Variants in ZNF132 observed in about 807,000 individuals in gnomAD.
ZNF132 encodes the protein zinc finger protein 132.
ZNF132 carries 6 observed loss-of-function variants against 9.3 expected under a neutral mutation model. The observed-to-expected ratio is 0.65, with a 90% confidence interval of 0.35 to 1.28. The LOEUF (loss-of-function observed/expected upper bound fraction) is 1.28, where lower values mean the gene tolerates loss of function less well. Among genes scored for constraint, ZNF132 ranks in the 50% most tolerant of loss-of-function variants. The pLI is 0.03. For synonymous variants in ZNF132, 296 were observed against 292.0 expected, an observed-to-expected ratio of 1.01 and a Z score of -0.14; for missense variants, 877 against 843.2, an observed-to-expected ratio of 1.04 and a Z score of -0.50.
At position 58,439,959 on chromosome 19, in the gene ZNF132, T is replaced by TAC; in HGVS notation, c.-139_-138insGT. On this transcript the variant is annotated 5_prime_UTR_variant, in exon 1 of 3. In the 5' UTR this introduces an upstream ATG that the reference lacks. Transcript: ENST00000254166. Reference sequence around the variant, plus strand: ...GGGCACCGCAGGGACGAAGGCTGGGTATGGAGACCCTGGAGACGCGTGGCG... The same window carrying TAC: ...GGGCACCGCAGGGACGAAGGCTGGGTACATGGAGACCCTGGAGACGCGTGGCG... 1.2e-6 allele frequency: 1 copy of TAC among 849,868 alleles called. No homozygotes were observed. The highest frequency in any genetic ancestry group is 3.0e-5 in the East Asian group (1 of 33,244). 52.6% of individuals were successfully genotyped at this position (849,868 alleles called of 1,614,324 possible). A position where few individuals can be genotyped will look rare whatever the true frequency, so the allele number is the denominator to read the frequency against.
In ZNF132 at chr19:58,434,826, G is replaced by A. The variant is rs760240253; in HGVS notation, c.618C>T (p.Asp206=). ...TGTCAACAGCTTGAAGCTGGAGGAG[G>A]TCACAGCTGCCCAGGATGACCTTCC... The part of the protein sequence containing the change: ...EGGKVILGSC[D]LLQLQAVDSG... The change falls in exon 3 of 3, where the codon GAC becomes GAT. Residue 206 remains aspartate (D), a synonymous_variant. Transcript: ENST00000254166. The A allele has an allele frequency of 9.3e-6, 15 of 1,614,176 alleles. No homozygotes were observed. The highest frequency in any genetic ancestry group is 8.8e-5 in the South Asian group (8 of 91,078).
chr19:58,434,339 G>C lies in ZNF132; in HGVS notation c.1105C>G (p.His369Asp), dbSNP rs567330039. Residue 369 changes from histidine (H) to aspartate (D), a missense_variant, in exon 3 of 3, where the codon CAC becomes GAC. Transcript: ENST00000254166. ...RSHLIRHEKV[H>D]TGERPFECLK... Reference sequence around the variant, plus strand: ...CACTCAAAAGGCCTTTCTCCAGTGTGAACTTTCTCATGCCGAATGAGGTGT... The same window carrying C: ...CACTCAAAAGGCCTTTCTCCAGTGTCAACTTTCTCATGCCGAATGAGGTGT... The C allele has an allele frequency of 6.2e-7, 1 of 1,614,238 alleles. No individual in the cohort carries two copies.
At chr19:58,437,751 C>T (rs1327778030) in intron 1 of ZNF132, 1 of 985,330 alleles carries the variant, frequency 1.0e-6, no homozygotes, top group East Asian at 1.1e-4. Context: ...GGGATCCATT[C>T]CTGGTCCAAG....
rs1490819114 is a variant in ZNF132 at position 58,434,815 on chromosome 19, A to G, written c.629T>C (p.Leu210Pro). The change falls in exon 3 of 3, where the codon CTT becomes CCT. Residue 210 changes from leucine to proline, a missense_variant. Coordinates refer to ENST00000254166, the MANE Select transcript of ZNF132 (RefSeq NM_003433.4). Reference protein sequence around the residue: ...VILGSCDLLQLQAVDSGQKPY... With the variant: ...VILGSCDLLQPQAVDSGQKPY... ...CTTCTGCCCACTGTCAACAGCTTGA[A>G]GCTGGAGGAGGTCACAGCTGCCCAG... is the stretch of plus-strand genomic sequence containing the variant. The G allele has an allele frequency of 6.2e-7, 1 of 1,614,088 alleles. No individual in the cohort carries two copies. Among genetic ancestry groups the G allele is most frequent in the Non-Finnish European group, 8.5e-7 (1 of 1,180,034 alleles).
At chr19:58,436,015 AAAG>A (rs1243989762) in intron 2 of ZNF132, among the ~76,000 whole-genome samples, 1 of 152,248 alleles carries the variant, frequency 6.6e-6, no homozygotes, top group African/African-American at 2.4e-5. Flanking sequence ...TGGCTATAAA[AAAG>A]AATGAAATAT....
Position 58,435,026 on chromosome 19 carries a change from TC to T in ZNF132, c.417del (p.Lys140AsnfsTer14), listed in dbSNP as rs1454593851. 5 of 1,614,058 alleles carry T rather than the reference TC, an allele frequency of 3.1e-6. No homozygotes were observed. Among genetic ancestry groups the T allele is most frequent in the East Asian group, 2.2e-5 (1 of 44,894 alleles). On this transcript the variant is annotated frameshift_variant, in exon 3 of 3. Transcript: ENST00000254166. LOFTEE classifies it low-confidence loss of function (END_TRUNC). ...LAEHQGTQSE[E>X]KPYTCGACGR... ...CCACATGCTCCACATGTGTAGGGTT[TC>T]TCCTCAGACTGTGTTCCCTGATGCT...
At chr19:58,436,845 C>T in intron 2 of ZNF132, 1 of 752,092 alleles carries the variant, frequency 1.3e-6, no homozygotes, top group South Asian at 1.4e-5. Context: ...TCCTGGGCAA[C>T]AGCTATTAGG....
chr19:58,433,032 G>A lies in ZNF132; in HGVS notation c.*291C>T, dbSNP rs4455074. The A allele has an allele frequency of 2.3e-6, 1 of 441,878 alleles. No homozygotes were observed. The highest frequency in any genetic ancestry group is 4.0e-6 in the Non-Finnish European group (1 of 248,348). The allele number at this position is 441,878 out of a possible 1,614,324, so 27.4% of individuals were successfully genotyped here. A position where few individuals can be genotyped will look rare whatever the true frequency, so the allele number is the denominator to read the frequency against. ...AGCTGAGCACAGTCCTGAATCCCTA[G>A]AGAACACAGGAAGGAAGGCTCAGGG... On this transcript the variant is annotated 3_prime_UTR_variant, in exon 3 of 3. Coordinates refer to ENST00000254166, the MANE Select transcript of ZNF132 (RefSeq NM_003433.4).
chr19:58,434,131 C>G lies in ZNF132; in HGVS notation c.1313G>C (p.Arg438Thr), dbSNP rs2052759004. 2 of 1,613,248 alleles carry G rather than the reference C, an allele frequency of 1.2e-6. No individual in the cohort carries two copies. Among genetic ancestry groups the G allele is most frequent in the Middle Eastern group, 1.7e-4 (1 of 6,056 alleles). Residue 438 changes from arginine to threonine, a missense_variant, in exon 3 of 3, where the codon AGA (arginine) becomes ACA (threonine). Physicochemically the swap from Arg to Thr is moderately conservative, Grantham distance 71. Transcript: ENST00000254166. ...AAGGTTGGAGTTATTGTTAAAAGCTCTTCCACATTCACTGCATTCATACGG... is the reference window on the plus strand; with the variant it reads ...AAGGTTGGAGTTATTGTTAAAAGCTGTTCCACATTCACTGCATTCATACGG... ...ERPYECSECG[R>T]AFNNNSNLAQ...
intron 1 of ZNF132, chr19:58,437,865 A>T: frequency 1.1e-6 from 1 of 891,702 alleles, no homozygotes. Flanking sequence ...GCTGCCCAGA[A>T]CCATAAGCAG....
chr19:58,437,716 C>T (rs1266174167), intron 1 of ZNF132: 1 of 985,304 alleles, frequency 1.0e-6, no homozygotes. Context: ...TCACCATGCA[C>T]ATGGCATACC....
chr19:58,434,255 G>T lies in ZNF132; in HGVS notation c.1189C>A (p.His397Asn), dbSNP rs550349125. The T allele has an allele frequency of 6.2e-7, 1 of 1,614,144 alleles. No individual in the cohort carries two copies. Among genetic ancestry groups the T allele is most frequent in the East Asian group, 2.2e-5 (1 of 44,884 alleles). The change falls in exon 3 of 3, where the codon CAC (histidine) becomes AAC (asparagine). Residue 397 changes from histidine (H) to asparagine (N), a missense_variant. Transcript: ENST00000254166. ...SSNFLRHQKV[H>N]TQVRPYECSQ... ...CACTCATAAGGTCTTACCTGTGTGT[G>T]AACTTTCTGATGCCGAAGGAAATTG...
Position 58,433,809 on chromosome 19 carries a change from A to G in ZNF132, c.1635T>C (p.Cys545=). 3 of 1,613,940 alleles carry G rather than the reference A, an allele frequency of 1.9e-6. No individual in the cohort carries two copies. The highest frequency in any genetic ancestry group is 2.2e-5 in the South Asian group (2 of 91,068). ...GAGCAAAGGCTTTCCCACACTCACT[A>G]CACTCGTAAGGCTTTTCTCCAGTGT... The part of the protein sequence containing the change: ...RIHTGEKPYE[C]SECGKAFAHS... The change falls in exon 3 of 3, where the codon TGT becomes TGC. Residue 545 remains cysteine, a synonymous_variant. Coordinates refer to ENST00000254166, the MANE Select transcript of ZNF132 (RefSeq NM_003433.4).
At position 58,434,227 on chromosome 19, in the gene ZNF132, C is replaced by A. The variant is rs772719492; in HGVS notation, c.1217G>T (p.Ser406Ile). 35 of 1,614,074 alleles carry A rather than the reference C, an allele frequency of 2.2e-5. No homozygotes were observed. Among genetic ancestry groups the A allele is most frequent in the Middle Eastern group, 1.6e-4 (1 of 6,062 alleles). ...TCGGCTGAAGGATTTACCACATTGA[C>A]TGCACTCATAAGGTCTTACCTGTGT... ...VHTQVRPYEC[S>I]QCGKSFSRSS... The change falls in exon 3 of 3, where the codon AGT becomes ATT. Residue 406 changes from serine (S) to isoleucine (I), a missense_variant. By Grantham distance (142) the Ser-to-Ile change is moderately radical. Transcript: ENST00000254166.
chr19:58,433,769 T>C lies in ZNF132; in HGVS notation c.1675A>G (p.Ile559Val). The change falls in exon 3 of 3, where the codon ATT becomes GTT. Residue 559 changes from isoleucine to valine, a missense_variant. By Grantham distance (29) the Ile-to-Val change is conservative (BLOSUM62 3). Transcript: ENST00000254166. ...GKAFAHSSTL[I>V]EHWRVHTKER... Reference sequence around the variant, plus strand: ...TTTGTGTGAACTCTCCAGTGTTCAATGAGAGTGGAGCTGTGAGCAAAGGCT... The same window carrying C: ...TTTGTGTGAACTCTCCAGTGTTCAACGAGAGTGGAGCTGTGAGCAAAGGCT... 5 of 1,614,212 alleles carry C rather than the reference T, an allele frequency of 3.1e-6. No individual in the cohort carries two copies. The highest frequency in any genetic ancestry group is 4.2e-6 in the Non-Finnish European group (5 of 1,180,032).
At chr19:58,438,850 A>C (rs1280635343) in intron 1 of ZNF132, among the ~76,000 whole-genome samples, 1 of 151,752 alleles carries the variant, frequency 6.6e-6, no homozygotes, top group Non-Finnish European at 1.5e-5. Context: ...AGCTCAATGC[A>C]ACCTCCATCT....
chr19:58,436,839 G>T, intron 2 of ZNF132: 1 of 730,896 alleles, frequency 1.4e-6, no homozygotes, highest in Admixed American at 2.0e-5. Flanking sequence ...CAAGGCTCCT[G>T]GGCAACAGCT....
rs1379414430 is a variant in ZNF132 at position 58,434,726 on chromosome 19, T to C, written c.718A>G (p.Asn240Asp). The stretch of plus-strand genomic sequence containing the variant: ...CTCTTCAGGAAGGCTTTTCCACAGT[T>C]GCTGCACTCGAAGAGTTTCTGTGTG... Reference protein sequence around the residue: ...CTTQKLFECSNCGKAFLKSST... With the variant: ...CTTQKLFECSDCGKAFLKSST... The change falls in exon 3 of 3, where the codon AAC becomes GAC. Residue 240 changes from asparagine to aspartate, a missense_variant. Coordinates refer to ENST00000254166, the MANE Select transcript of ZNF132 (RefSeq NM_003433.4). The C allele has an allele frequency of 1.9e-6, 3 of 1,614,218 alleles. No individual in the cohort carries two copies. The highest frequency in any genetic ancestry group is 2.5e-6 in the Non-Finnish European group (3 of 1,180,046).
rs757363139 is a variant in ZNF132 at position 58,433,395 on chromosome 19, A to G, written c.2049T>C (p.Tyr683=). ...AGAGTTTCCCACACTGGCTACACTC[A>G]TAAGTCCTTTCTCTGGTGTGAACTT... is the stretch of plus-strand genomic sequence containing the variant. ...HQKVHTRERT[Y]ECSQCGKLFS... is the part of the protein sequence containing the mutation. Residue 683 remains tyrosine (Y), a synonymous_variant, in exon 3 of 3, where the codon TAT becomes TAC. Transcript: ENST00000254166. 3.7e-6 allele frequency: 6 copies of G among 1,614,078 alleles called. No individual in the cohort carries two copies. In the East Asian group the frequency reaches 1.1e-4, roughly 30 times the overall value.
Sources: gnomAD v4.1 joint callset for allele counts (sites outside exome capture counted in the v4.1 genomes callset) on GRCh38, gnomAD v4.1.1 for gene constraint, MANE v1.5 for transcripts, NCBI Gene and HGNC (gene_info 2026-07-23, HGNC 2026-07-21) for gene names.